The following SRD5A1 variants were observed in gnomAD, a reference collection of about 807,000 sequenced individuals.
The protein encoded by SRD5A1 is 3-oxo-5-alpha-steroid 4-dehydrogenase 1.
A neutral mutation model predicts 28.2 loss-of-function variants in SRD5A1; 22 were observed. The ratio of observed to expected loss-of-function variants is 0.78; its 90% CI spans 0.56 to 1.12. The LOEUF (loss-of-function observed/expected upper bound fraction) is 1.12, where lower values mean the gene tolerates loss of function less well. Among genes scored for constraint, SRD5A1 ranks in the 50% most tolerant of loss-of-function variants. The probability of loss-of-function intolerance (pLI) is 0.00; values close to 1 mark genes in which losing one functional copy is unlikely to be tolerated. For synonymous variants in SRD5A1, 151 were observed against 135.0 expected (o/e 1.12, Z -0.82); for missense variants, 300 against 346.7 (o/e 0.87, Z 1.07).
At chr5:6,635,638 C>T (rs1229180550) in intron 1 of SRD5A1, among the ~76,000 whole-genome samples, 1 of 152,250 alleles carries the variant, frequency 6.6e-6, no homozygotes, top group Non-Finnish European at 1.5e-5. Context: ...GTGCTCAGTA[C>T]ACAATACCTA....
rs1272887047 is a variant in SRD5A1, at chr5:6,641,674, G to A, written c.293+7805G>A. On this transcript the variant is annotated intron_variant, in intron 1 of 4. Coordinates refer to ENST00000274192, the MANE Select transcript of SRD5A1 (RefSeq NM_001047.4). ...AGAGACTGGTGTCGATCTTTGTAAGGCTCGGTTTCCAGTCCTTGCAGTTCT... is the reference window on the plus strand; with the variant it reads ...AGAGACTGGTGTCGATCTTTGTAAGACTCGGTTTCCAGTCCTTGCAGTTCT... Among the ~76,000 whole-genome samples the A allele has an allele frequency of 3.9e-5, 6 of 152,332 alleles. No homozygotes were observed. In the South Asian group the frequency reaches 6.2e-4, roughly 16 times the overall value.
chr5:6,656,313 A>C, intron 3 of SRD5A1, 134 bp downstream of exon 3: 1 of 702,424 alleles, frequency 1.4e-6, no homozygotes, highest in Non-Finnish European at 2.5e-6. Flanking sequence ...CATCATTATT[A>C]ATAACAAGTG....
At chr5:6,639,937 G>A (rs1412643513) in intron 1 of SRD5A1, among the ~76,000 whole-genome samples, 1 of 152,116 alleles carries the variant, frequency 6.6e-6, no homozygotes, top group Non-Finnish European at 1.5e-5. Flanking sequence ...CTTTTAATAA[G>A]TTTTTTTCTA....
At chr5:6,634,792 T>G (rs529194492) in intron 1 of SRD5A1, among the ~76,000 whole-genome samples, 2 of 152,376 alleles carry the variant, frequency 1.3e-5, no homozygotes, top group South Asian at 4.1e-4. Flanking sequence ...CTTCAAGCCT[T>G]CTAATAAGTT....
chr5:6,664,648 C>T (rs1739107933), intron 4 of SRD5A1, among the ~76,000 whole-genome samples: 1 of 152,352 alleles, frequency 6.6e-6, no homozygotes. Context: ...TCAAGTAATC[C>T]TCACACCTCA....
At chr5:6,645,083 G>A in intron 1 of SRD5A1, 1 of 436,018 alleles carries the variant, frequency 2.3e-6, no homozygotes, top group Non-Finnish European at 4.6e-6. Context: ...AATGAGATGA[G>A]AACCTTGGAG....
Position 6,633,504 on chromosome 5 carries a change from G to T in SRD5A1, c.-73G>T, listed in dbSNP as rs1237793519. On this transcript the variant is annotated 5_prime_UTR_variant, in exon 1 of 5. Coordinates refer to ENST00000274192, the MANE Select transcript of SRD5A1 (RefSeq NM_001047.4). ...CGCCCCTCCGGTAGCCGCCCCTCCT[G>T]CCCCCGCGCCGCCGCCCTATATGTT... 1 of 1,383,398 alleles carries T rather than the reference G, an allele frequency of 7.2e-7. No individual in the cohort carries two copies. The highest frequency in any genetic ancestry group is 1.5e-5 in the African/African-American group (1 of 65,414). 85.7% of individuals were successfully genotyped at this position (1,383,398 alleles called of 1,614,324 possible). A position where few individuals can be genotyped will look rare whatever the true frequency, so the allele number is the denominator to read the frequency against.
intron 1 of SRD5A1, among the ~76,000 whole-genome samples, chr5:6,639,449 T>G (rs1348333452): frequency 6.6e-6 from 1 of 152,244 alleles, no homozygotes; most frequent in Non-Finnish European, 1.5e-5. Flanking sequence ...CAAGTGCTGC[T>G]TAGGAGCAGA....
At chr5:6,666,405 C>G (rs554867274) in intron 4 of SRD5A1, among the ~76,000 whole-genome samples, 1 of 152,322 alleles carries the variant, frequency 6.6e-6, no homozygotes, top group African/African-American at 2.4e-5. Flanking sequence ...GCCTCAGCCT[C>G]CCAAAGCACT....
chr5:6,662,854 G>A lies in SRD5A1; in HGVS notation c.601G>A (p.Gly201Arg). The A allele has an allele frequency of 6.2e-7, 1 of 1,612,832 alleles. No homozygotes were observed. The highest frequency in any genetic ancestry group is 8.5e-7 in the Non-Finnish European group (1 of 1,180,026). ...ATACGTAACTGCAGCCAACTATTTT[G>A]GAGAAATCATGGAGTGGTGTGGCTA... ...FEYVTAANYF[G>R]EIMEWCGYAL... Residue 201 changes from glycine to arginine, a missense_variant, in exon 4 of 5, where the codon GGA becomes AGA. By Grantham distance (125) the Gly-to-Arg change is moderately radical. Transcript: ENST00000274192.
At chr5:6,658,950 A>C (rs993176583) in intron 3 of SRD5A1, among the ~76,000 whole-genome samples, 1 of 151,592 alleles carries the variant, frequency 6.6e-6, no homozygotes, top group Non-Finnish European at 1.5e-5. Context: ...CCATCTCCAC[A>C]AAAAAATTGA....
intron 4 of SRD5A1, 54 bp from the exon 5 acceptor site, chr5:6,668,148 T>C (rs1394024472): frequency 4.5e-6 from 5 of 1,121,084 alleles, no homozygotes; most frequent in Non-Finnish European, 3.9e-6. Flanking sequence ...TTGTTAGCAT[T>C]GGTTAAATGT....
rs1489500254 is a variant in SRD5A1, at chr5:6,666,584, C to G, written c.714-1618C>G. ...AGAAACAGTCAACTGTGCTGGGTTG[C>G]TAACAAATATTCTCTTAAAGGGCAA... On this transcript the variant is annotated intron_variant, in intron 4 of 4. Coordinates refer to ENST00000274192, the MANE Select transcript of SRD5A1 (RefSeq NM_001047.4). Among the ~76,000 whole-genome samples the G allele has an allele frequency of 2.6e-5, 4 of 152,066 alleles. No individual in the cohort carries two copies. The East Asian group carries it at 7.7e-4, about 29-fold the overall frequency.
At chr5:6,660,932 G>T (rs1331949904) in intron 3 of SRD5A1, among the ~76,000 whole-genome samples, 1 of 152,116 alleles carries the variant, frequency 6.6e-6, no homozygotes, top group Non-Finnish European at 1.5e-5. Flanking sequence ...AGTGAAGGGG[G>T]ATCTGCCTCA....
At chr5:6,646,067 T>A (rs542245725) in intron 1 of SRD5A1, among the ~76,000 whole-genome samples, 1 of 152,252 alleles carries the variant, frequency 6.6e-6, no homozygotes, top group South Asian at 2.1e-4. Context: ...ATTGTTCAAC[T>A]CCCACTTATG....
intron 1 of SRD5A1, among the ~76,000 whole-genome samples, chr5:6,640,814 G>C (rs913049383): frequency 6.6e-6 from 1 of 152,202 alleles, no homozygotes. Context: ...GTATTCGTTA[G>C]CTTGTAATCA....
intron 1 of SRD5A1, among the ~76,000 whole-genome samples, chr5:6,651,073 G>A (rs1738658078): frequency 6.6e-6 from 1 of 152,074 alleles, no homozygotes; most frequent in South Asian, 2.1e-4. Flanking sequence ...CTGGTTAGCT[G>A]AGCTGGGGGC....
intron 1 of SRD5A1, among the ~76,000 whole-genome samples, chr5:6,640,528 ATTC>A (rs1220086922): frequency 9.0e-6 from 1 of 110,580 alleles, no homozygotes; most frequent in Admixed American, 9.8e-5. Context: ...AGCAAGTCTT[ATTC>A]TTTTTTTTTT....
chr5:6,655,233 A>G lies in SRD5A1; in HGVS notation c.461-845A>G, dbSNP rs191976753. Among the ~76,000 whole-genome samples, 9 of 152,344 alleles carry G rather than the reference A, an allele frequency of 5.9e-5. No individual in the cohort carries two copies. In the East Asian group the frequency reaches 9.6e-4, roughly 16 times the overall value. On this transcript the variant is annotated intron_variant, in intron 2 of 4. Coordinates refer to ENST00000274192, the MANE Select transcript of SRD5A1 (RefSeq NM_001047.4). ...GCACTAAGCAGCATCTGTCTTTCCC[A>G]TTTTAAAAAAGTATATCAGAACCAT...
Sources: gnomAD v4.1 joint callset for allele counts (sites outside exome capture counted in the v4.1 genomes callset) on GRCh38, gnomAD v4.1.1 for gene constraint, MANE v1.5 for transcripts, NCBI Gene and HGNC (gene_info 2026-07-23, HGNC 2026-07-21) for gene names.